The following CHST11 variants were observed in gnomAD, a reference collection of about 807,000 sequenced individuals.
CHST11 encodes carbohydrate sulfotransferase 11.
CHST11 carries 9 observed loss-of-function variants against 30.4 expected under a neutral mutation model. The ratio of observed to expected loss-of-function variants is 0.30; its 90% CI spans 0.18 to 0.52. CHST11 has a LOEUF of 0.52. CHST11 is among the 20% of genes least tolerant of loss of function. The pLI, the probability that CHST11 is intolerant of heterozygous loss-of-function variation, is 0.97. For missense variants in CHST11, 348 were observed against 460.6 expected (o/e 0.76, Z 2.24); for synonymous variants, 152 against 187.8 (o/e 0.81, Z 1.56).
chr12:104,553,935 C>T lies in CHST11; in HGVS notation c.119-47971C>T, dbSNP rs544181107. 8.6e-4 allele frequency among the ~76,000 whole-genome samples: 131 copies of T among 152,196 alleles called. 1 individual carries two copies. In the South Asian group the frequency reaches 0.027, roughly 31 times the overall value. On this transcript the variant is annotated intron_variant, in intron 1 of 2. Transcript: ENST00000303694. ...TCTCTGGCCTCAGTGAAGGTATCAGCCAGGGCTGGGGTCTCATCAGAAGGC... is the reference window on the plus strand; with the variant it reads ...TCTCTGGCCTCAGTGAAGGTATCAGTCAGGGCTGGGGTCTCATCAGAAGGC...
In CHST11 at chr12:104,571,164, A is replaced by ATTT. The variant is rs56859963; in HGVS notation, c.119-30728_119-30726dup. Among the ~76,000 whole-genome samples, 172 of 142,824 alleles carry ATTT rather than the reference A, an allele frequency of 1.2e-3. 1 individual carries two copies. Among genetic ancestry groups the ATTT allele is most frequent in the Middle Eastern group, 3.5e-3 (1 of 284 alleles). 93.7% of individuals were successfully genotyped at this position (142,824 alleles called of 152,430 possible). ...GTAGTTTGTCTTTGGAGGACAGACA[A>ATTT]TTTTTTTTTTTTTTTTGAGATGGAG... On this transcript the variant is annotated intron_variant, in intron 1 of 2. Transcript: ENST00000303694.
At chr12:104,469,658 C>T (rs896282073) in intron 1 of CHST11, among the ~76,000 whole-genome samples, 1 of 152,132 alleles carries the variant, frequency 6.6e-6, no homozygotes, top group Non-Finnish European at 1.5e-5. Context: ...TCAGTCCTTC[C>T]CACTGCTTAA....
chr12:104,535,790 C>G (rs2038230928), intron 1 of CHST11, among the ~76,000 whole-genome samples: 1 of 152,164 alleles, frequency 6.6e-6, no homozygotes, highest in African/African-American at 2.4e-5. Flanking sequence ...ATCATGTATT[C>G]ATTTGTGGCA....
At chr12:104,577,690 A>G (rs1474654171) in intron 1 of CHST11, among the ~76,000 whole-genome samples, 1 of 152,206 alleles carries the variant, frequency 6.6e-6, no homozygotes, top group Non-Finnish European at 1.5e-5. Flanking sequence ...GGCAGAATAG[A>G]GGATATCTGT....
At chr12:104,635,763 T>A (rs576071636) in intron 2 of CHST11, among the ~76,000 whole-genome samples, 1 of 152,302 alleles carries the variant, frequency 6.6e-6, no homozygotes, top group East Asian at 1.9e-4. Flanking sequence ...TTTGCAAATG[T>A]TGGGGCGTGG....
intron 2 of CHST11, among the ~76,000 whole-genome samples, chr12:104,717,815 T>C (rs1343881475): frequency 6.7e-6 from 1 of 149,658 alleles, no homozygotes; most frequent in Non-Finnish European, 1.5e-5. Flanking sequence ...CTGGGCAAGG[T>C]GGTGGGCGCC....
chr12:104,564,032 AG>A (rs1369305657), intron 1 of CHST11, among the ~76,000 whole-genome samples: 1 of 152,148 alleles, frequency 6.6e-6, no homozygotes, highest in Non-Finnish European at 1.5e-5. Flanking sequence ...GGAGACACCC[AG>A]GAGCATCGAG....
At chr12:104,751,476 T>A (rs2040431238) in intron 2 of CHST11, among the ~76,000 whole-genome samples, 1 of 152,198 alleles carries the variant, frequency 6.6e-6, no homozygotes, top group Non-Finnish European at 1.5e-5. Flanking sequence ...GGCTAAGAAG[T>A]CATGAATTGC....
At chr12:104,582,471 A>G (rs1370512791) in intron 1 of CHST11, among the ~76,000 whole-genome samples, 2 of 152,086 alleles carry the variant, frequency 1.3e-5, no homozygotes, top group African/African-American at 4.8e-5. Flanking sequence ...CTGCCCCATC[A>G]CCTTTACTGA....
chr12:104,615,165 G>A (rs756901768), intron 2 of CHST11, among the ~76,000 whole-genome samples: 2 of 152,144 alleles, frequency 1.3e-5, no homozygotes, highest in Non-Finnish European at 2.9e-5. Context: ...GTGACGCCCC[G>A]GCCAACTCCA....
chr12:104,465,132 G>A (rs761599778), intron 1 of CHST11, among the ~76,000 whole-genome samples: 1 of 152,188 alleles, frequency 6.6e-6, no homozygotes, highest in African/African-American at 2.4e-5. Context: ...TATGTAAACT[G>A]TGGCACACTT....
chr12:104,562,664 T>C (rs1055386803), intron 1 of CHST11, among the ~76,000 whole-genome samples: 2 of 152,166 alleles, frequency 1.3e-5, no homozygotes, highest in Non-Finnish European at 1.5e-5. Context: ...ATTTTAGAGC[T>C]CAAGGGGGCT....
chr12:104,503,203 T>C (rs1470332337), intron 1 of CHST11, among the ~76,000 whole-genome samples: 1 of 152,226 alleles, frequency 6.6e-6, no homozygotes, highest in African/African-American at 2.4e-5. Context: ...ACCCCAGATC[T>C]GCTGCTGCCT....
intron 1 of CHST11, among the ~76,000 whole-genome samples, chr12:104,497,610 T>G (rs2037811848): frequency 6.6e-6 from 1 of 152,214 alleles, no homozygotes; most frequent in South Asian, 2.1e-4. Flanking sequence ...TTCTCTACAC[T>G]GTTTCCTTGG....
intron 2 of CHST11, among the ~76,000 whole-genome samples, chr12:104,724,049 G>T (rs2040198841): frequency 6.6e-6 from 1 of 152,178 alleles, no homozygotes; most frequent in African/African-American, 2.4e-5. Flanking sequence ...AGTGTGATAT[G>T]ATCTGACATT....
intron 1 of CHST11, among the ~76,000 whole-genome samples, chr12:104,522,449 G>T (rs940091795): frequency 1.3e-5 from 2 of 152,150 alleles, no homozygotes; most frequent in Admixed American, 6.5e-5. Flanking sequence ...CCTTTTGCCT[G>T]ATGTAGATGT....
At chr12:104,699,804 G>A (rs1462572275) in intron 2 of CHST11, among the ~76,000 whole-genome samples, 3 of 152,204 alleles carry the variant, frequency 2.0e-5, no homozygotes, top group Non-Finnish European at 2.9e-5. Flanking sequence ...CACTTGCAGT[G>A]ACTATAGTCA....
At chr12:104,633,412 CTTT>C (rs34686417) in intron 2 of CHST11, among the ~76,000 whole-genome samples, 7 of 111,870 alleles carry the variant, frequency 6.3e-5, no homozygotes, top group Non-Finnish European at 1.2e-4. Flanking sequence ...CTCCCTCTGT[CTTT>C]TTTTTTTTTT....
intron 1 of CHST11, among the ~76,000 whole-genome samples, chr12:104,582,008 G>A (rs771796272): frequency 2.6e-5 from 4 of 152,154 alleles, no homozygotes; most frequent in Non-Finnish European, 4.4e-5. Flanking sequence ...AGTAAGGGAT[G>A]CACTACGTCA....
Sources: allele counts gnomAD v4.1 joint callset (sites outside exome capture counted in the v4.1 genomes callset), GRCh38; gene constraint gnomAD v4.1.1; transcripts MANE v1.5; gene names NCBI Gene and HGNC (gene_info 2026-07-23, HGNC 2026-07-21).